TFAP2A: variants seen among roughly 807,000 people sequenced by gnomAD.
The protein encoded by TFAP2A is transcription factor AP-2 alpha, also known as transcription factor AP-2-alpha.
In TFAP2A, 7 loss-of-function variants were observed where a neutral mutation model predicts 41.5. The ratio of observed to expected loss-of-function variants is 0.17; its 90% CI spans 0.10 to 0.32. The LOEUF (loss-of-function observed/expected upper bound fraction) is 0.32. TFAP2A is among the 10% of genes least tolerant of loss of function. TFAP2A has a pLI of 1.00. For synonymous variants in TFAP2A, 247 were observed against 242.8 expected (o/e 1.02, Z -0.16); for missense variants, 416 against 563.3 (o/e 0.74, Z 2.65).
chr6:10,407,085 G>T, intron 2 of TFAP2A: 1 of 558,668 alleles, frequency 1.8e-6, no homozygotes, highest in Non-Finnish European at 3.2e-6. Flanking sequence ...TGTTTAAAAG[G>T]GGTGGAGATG....
chr6:10,410,224 A>G lies in TFAP2A; in HGVS notation c.163T>C (p.Phe55Leu), dbSNP rs772228476. ...GGTGGGGGGAAGTATGGGGGCTGGA[A>G]GTCGGCATTGGGGGTGTGGGACAGC... is the stretch of plus-strand genomic sequence containing the variant. Reference protein sequence around the residue: ...PPLSHTPNADFQPPYFPPPYQ... With the variant: ...PPLSHTPNADLQPPYFPPPYQ... The change falls in exon 2 of 7, where the codon TTC (phenylalanine) becomes CTC (leucine). Residue 55 changes from phenylalanine to leucine, a missense_variant. Phe to Leu is a conservative substitution (Grantham distance 22). Around this residue, in one of 3 missense-constraint regions of TFAP2A, gnomAD observed 241 missense variants for 274.1 expected, o/e 0.88. Transcript: ENST00000379613. 1.4e-5 allele frequency: 5 copies of G among 356,916 alleles called. No homozygotes were observed. The highest frequency in any genetic ancestry group is 2.4e-5 in the Non-Finnish European group (5 of 204,638). The allele number at this position is 356,916 out of a possible 1,614,324, so 22.1% of individuals were successfully genotyped here. A position where few individuals can be genotyped will look rare whatever the true frequency, so the allele number is the denominator to read the frequency against.
Position 10,410,263 on chromosome 6 carries a change from T to A in TFAP2A, c.124A>T (p.Thr42Ser). ...GTGTGGGACAGCGGCGGGGCGCTCG[T>A]GTAGGGAGATTGACCTACAGTGCCC... The part of the protein sequence containing the change: ...QLGTVGQSPY[T>S]SAPPLSHTPN... Residue 42 changes from threonine (T) to serine (S), a missense_variant, in exon 2 of 7, where the codon ACG becomes TCG. This residue lies in a region of TFAP2A where 241 missense variants were observed against 274.1 expected (regional missense o/e 0.88). Coordinates refer to ENST00000379613, the MANE Select transcript of TFAP2A (RefSeq NM_001372066.1). 6 of 1,613,214 alleles carry A rather than the reference T, an allele frequency of 3.7e-6. No individual in the cohort carries two copies. Among genetic ancestry groups the A allele is most frequent in the Non-Finnish European group, 5.1e-6 (6 of 1,179,824 alleles).
At chr6:10,416,815 G>C (rs1222373380), upstream of TFAP2A, 4 of 152,302 alleles carry the variant, frequency 2.6e-5, no homozygotes, top group Non-Finnish European at 4.4e-5. Context: ...CCCAAACCTA[G>C]CAGAGTAGGC....
Position 10,397,975 on chromosome 6 carries a change from ACT to A in TFAP2A, c.*440_*441del, listed in dbSNP as rs1761840277. On this transcript the variant is annotated 3_prime_UTR_variant, in exon 7 of 7. Coordinates refer to ENST00000379613, the MANE Select transcript of TFAP2A (RefSeq NM_001372066.1). The stretch of plus-strand genomic sequence containing the variant: ...CTGAAGTATGTAAGGGAAGGTGGTG[ACT>A]CAGTCCCATGAAGCGCATATAATTT... 2.9e-6 allele frequency: 3 copies of A among 1,031,810 alleles called. No individual in the cohort carries two copies. The highest frequency in any genetic ancestry group is 3.5e-6 in the Non-Finnish European group (3 of 859,668). The allele number at this position is 1,031,810 out of a possible 1,614,324, so 63.9% of individuals were successfully genotyped here.
upstream of TFAP2A, chr6:10,415,107 G>A (rs1284867195): frequency 4.4e-6 from 7 of 1,596,876 alleles, no homozygotes; most frequent in Non-Finnish European, 6.0e-6. Flanking sequence ...GGAGGAGGGA[G>A]AGGAGGTGGA....
At chr6:10,415,171 A>C (rs1041178032), upstream of TFAP2A, 7 of 1,502,892 alleles carry the variant, frequency 4.7e-6, no homozygotes, top group Non-Finnish European at 6.2e-6. Context: ...GAGGAAGAGG[A>C]GGGCGAGGAG....
At position 10,398,480 on chromosome 6, in the gene TFAP2A, G is replaced by T; in HGVS notation, c.1257C>A (p.Asn419Lys). The stretch of plus-strand genomic sequence containing the variant: ...CGTTGTTGTCCGTGTGGCTGTTGGG[G>T]TTGTTGCTGAGGTACATTTTGTCCA... ...KAMDKMYLSN[N>K]PNSHTDNNAK... The change falls in exon 7 of 7, where the codon AAC becomes AAA. Residue 419 changes from asparagine (N) to lysine (K), a missense_variant. Asn to Lys is a moderately conservative substitution (Grantham distance 94). Coordinates refer to ENST00000379613, the MANE Select transcript of TFAP2A (RefSeq NM_001372066.1). The surrounding 1 kb of genome is among the most constrained non-coding windows in gnomAD (Gnocchi z 5.3). The T allele has an allele frequency of 6.2e-7, 1 of 1,614,234 alleles. No homozygotes were observed. Among genetic ancestry groups the T allele is most frequent in the East Asian group, 2.2e-5 (1 of 44,884 alleles).
In TFAP2A at chr6:10,403,938, G is replaced by T. The variant is rs180809924; in HGVS notation, c.770+570C>A. Among the ~76,000 whole-genome samples, 52 of 152,288 alleles carry T rather than the reference G, an allele frequency of 3.4e-4. 1 individual carries two copies. Among genetic ancestry groups the T allele is most frequent in the Admixed American group, 3.1e-3 (48 of 15,294 alleles). On this transcript the variant is annotated intron_variant, in intron 4 of 6. Coordinates refer to ENST00000379613, the MANE Select transcript of TFAP2A (RefSeq NM_001372066.1). ...CATATGCAAACGCCTATAGTATGGG[G>T]GTCTGGAGATGACAGCGACCGGAAA...
chr6:10,404,791 A>G, intron 3 of TFAP2A, 52 bp from the exon 4 acceptor site: 1 of 1,530,714 alleles, frequency 6.5e-7, no homozygotes, highest in Non-Finnish European at 9.0e-7. Flanking sequence ...TCACCCCCAA[A>G]TCCTGCCCGA....
At chr6:10,412,299 AAAAGTG>A in intron 1 of TFAP2A, 1 of 985,942 alleles carries the variant, frequency 1.0e-6, no homozygotes, top group Non-Finnish European at 1.2e-6. Context: ...CAGGGCATGC[AAAAGTG>A]AAAGAGAAAG....
chr6:10,399,317 G>T (rs1250427044), intron 6 of TFAP2A, among the ~76,000 whole-genome samples: 1 of 152,220 alleles, frequency 6.6e-6, no homozygotes, highest in Non-Finnish European at 1.5e-5. Flanking sequence ...CCTGTTACTT[G>T]GAGATAATTC....
At chr6:10,414,524 G>A (rs753573124) in intron 1 of TFAP2A, 1 of 331,256 alleles carries the variant, frequency 3.0e-6, no homozygotes, top group Non-Finnish European at 5.8e-6. Context: ...AGATCGGAGA[G>A]GAAGTTCAAG....
At position 10,398,249 on chromosome 6, in the gene TFAP2A, G is replaced by A. The variant is rs921640701; in HGVS notation, c.*168C>T. 7.9e-6 allele frequency: 12 copies of A among 1,522,456 alleles called. No individual in the cohort carries two copies. In the Admixed American group the frequency reaches 2.4e-4, roughly 30 times the overall value. The allele number at this position is 1,522,456 out of a possible 1,614,324, so 94.3% of individuals were successfully genotyped here. On this transcript the variant is annotated 3_prime_UTR_variant, in exon 7 of 7. Coordinates refer to ENST00000379613, the MANE Select transcript of TFAP2A (RefSeq NM_001372066.1). The surrounding 1 kb of genome is among the most constrained non-coding windows in gnomAD (Gnocchi z 5.3). ...TGCCCCACTGACAGTCGAGAGGGCA[G>A]TCCCGGAGACTCGGGGGGACCCAAG...
upstream of TFAP2A, chr6:10,418,677 T>C (rs1758326674): frequency 6.6e-6 from 1 of 152,406 alleles, no homozygotes; most frequent in South Asian, 2.1e-4. Context: ...CCTTGTGGTG[T>C]CCGCGGCCTA....
intron 5 of TFAP2A, chr6:10,402,049 C>G (rs1156960649): frequency 3.0e-6 from 1 of 331,406 alleles, no homozygotes; most frequent in Non-Finnish European, 5.9e-6. Flanking sequence ...AAACAAAGAC[C>G]TGAAAGGGCA....
chr6:10,400,606 G>C lies in TFAP2A; in HGVS notation c.890-17C>G, dbSNP rs1477138497. 2 of 1,613,956 alleles carry C rather than the reference G, an allele frequency of 1.2e-6. No individual in the cohort carries two copies. Among genetic ancestry groups the C allele is most frequent in the East Asian group, 2.2e-5 (1 of 44,898 alleles). The stretch of plus-strand genomic sequence containing the variant: ...CAGCTTCTCCTGGCAAGAGGGGAGA[G>C]GAGGGAGCCAGTGCGAGAGAATGAA... On this transcript the variant is annotated splice_polypyrimidine_tract_variant and intron_variant, in intron 5 of 6. Coordinates refer to ENST00000379613, the MANE Select transcript of TFAP2A (RefSeq NM_001372066.1).
chr6:10,404,889 T>A, intron 3 of TFAP2A, 150 bp from the exon 4 acceptor site: 1 of 710,140 alleles, frequency 1.4e-6, no homozygotes, highest in Non-Finnish European at 2.3e-6. Context: ...TCTGTGGCTC[T>A]GCTACTTCCC....
upstream of TFAP2A, chr6:10,419,442 T>G: frequency 6.2e-7 from 1 of 1,613,928 alleles, no homozygotes; most frequent in Non-Finnish European, 8.5e-7. Flanking sequence ...TTTTGGCAAG[T>G]ATGGACATCG....
rs1379157868 is a variant in TFAP2A at position 10,414,247 on chromosome 6, AC to A, written c.51+693del. Among the ~76,000 whole-genome samples the A allele has an allele frequency of 3.3e-5, 5 of 151,624 alleles. No homozygotes were observed. The South Asian group carries it at 8.3e-4, about 25-fold the overall frequency. ...ACATCTCCCCACCCCACCCCCACAC[AC>A]CCCCGTGGGGTGCGTCGATCCTGTA... On this transcript the variant is annotated intron_variant, in intron 1 of 6. Coordinates refer to ENST00000379613, the MANE Select transcript of TFAP2A (RefSeq NM_001372066.1).
Sources: allele counts gnomAD v4.1 joint callset (sites outside exome capture counted in the v4.1 genomes callset), GRCh38; gene constraint gnomAD v4.1.1; regional missense constraint gnomAD v4.1.1; non-coding constraint Gnocchi (gnomAD v3.1); transcripts MANE v1.5; gene names NCBI Gene and HGNC (gene_info 2026-07-23, HGNC 2026-07-21).